GRIP1: variants seen among roughly 807,000 people sequenced by gnomAD.
The protein encoded by GRIP1 is glutamate receptor-interacting protein 1.
A neutral mutation model predicts 129.9 loss-of-function variants in GRIP1; 45 were observed. The observed-to-expected ratio is 0.35, with a 90% confidence interval of 0.27 to 0.44. The LOEUF (loss-of-function observed/expected upper bound fraction) is 0.44. Among genes scored for constraint, GRIP1 ranks in the 20% least tolerant of loss-of-function variants. The probability of loss-of-function intolerance (pLI) is 1.00; values close to 1 mark genes in which losing one functional copy is unlikely to be tolerated. For missense variants in GRIP1, 1,196 were observed against 1,396.8 expected (o/e 0.86, Z 2.29); for synonymous variants, 530 against 520.8 (o/e 1.02, Z -0.24).
At chr12:66,672,754 C>G (rs1003847052) in intron 1 of GRIP1, among the ~76,000 whole-genome samples, 1 of 152,006 alleles carries the variant, frequency 6.6e-6, no homozygotes, top group African/African-American at 2.4e-5. Context: ...TATTTTCCGC[C>G]AGAATAAAGT....
At chr12:66,831,717 C>T (rs1239737276) in intron 1 of GRIP1, among the ~76,000 whole-genome samples, 1 of 152,110 alleles carries the variant, frequency 6.6e-6, no homozygotes, top group Admixed American at 6.5e-5. Flanking sequence ...AGATTTCACA[C>T]CAAGGAGTCA....
intron 1 of GRIP1, among the ~76,000 whole-genome samples, chr12:66,974,098 T>A (rs1448933926): frequency 6.6e-6 from 1 of 152,004 alleles, no homozygotes; most frequent in Admixed American, 6.6e-5. Flanking sequence ...CTAATTTTTG[T>A]ATTTTTAGTA....
intron 7 of GRIP1, among the ~76,000 whole-genome samples, chr12:66,502,047 T>G (rs1197633686): frequency 6.6e-6 from 1 of 152,186 alleles, no homozygotes; most frequent in Non-Finnish European, 1.5e-5. Context: ...ACTATTTTTA[T>G]TTATAGCATT....
rs138443431 is a variant in GRIP1 at position 67,023,923 on chromosome 12, T to G, written c.58+45127A>C. ...TTTTCTTTGCTTTTCTTTGATTTTT[T>G]TTCTCTTTTCTCTTTCTTTCCTTCC... is the stretch of plus-strand genomic sequence containing the variant. On this transcript the variant is annotated intron_variant, in intron 1 of 1. Transcript: ENST00000643019. 9.8e-4 allele frequency among the ~76,000 whole-genome samples: 149 copies of G among 152,284 alleles called. 1 individual carries two copies. In the East Asian group the frequency reaches 0.028, roughly 28 times the overall value.
chr12:66,704,074 G>A lies in GRIP1; in HGVS notation c.-419-73738C>T, dbSNP rs2035444884. Among the ~76,000 whole-genome samples the A allele has an allele frequency of 2.0e-5, 3 of 151,938 alleles. 1 individual carries two copies. In the South Asian group the frequency reaches 6.2e-4, roughly 31 times the overall value. On this transcript the variant is annotated intron_variant, in intron 1 of 4. Transcript: ENST00000538373. ...CCAGAATAAAAAGAATATAGTAGAT[G>A]ACAATAAAAGGATATATTTATATCA...
At chr12:66,925,687 C>T (rs915128834) in intron 1 of GRIP1, among the ~76,000 whole-genome samples, 1 of 152,084 alleles carries the variant, frequency 6.6e-6, no homozygotes, top group Admixed American at 6.6e-5. Context: ...TCTTGTTTCC[C>T]AGGCTGGAGT....
chr12:66,496,868 A>G (rs2060252169), intron 7 of GRIP1, among the ~76,000 whole-genome samples: 3 of 76,188 alleles, frequency 3.9e-5, no homozygotes, highest in African/African-American at 1.2e-4. Flanking sequence ...AAGAAAAGAA[A>G]GAGAGAGGAT....
At chr12:66,379,209 C>T (rs200290201) in intron 20 of GRIP1, 71 bp downstream of exon 20, 230 of 1,428,284 alleles carry the variant, frequency 1.6e-4, no homozygotes, top group Non-Finnish European at 2.2e-4. Flanking sequence ...ACTGGAAGTA[C>T]AGAAGTTCAA....
In GRIP1 at chr12:66,399,795, C is replaced by T. The variant is rs533973388; in HGVS notation, c.1985-5443G>A. Among the ~76,000 whole-genome samples, 16 of 151,964 alleles carry T rather than the reference C, an allele frequency of 1.1e-4. No homozygotes were observed. In the South Asian group the frequency reaches 1.7e-3, roughly 16 times the overall value. On this transcript the variant is annotated intron_variant, in intron 16 of 24. Coordinates refer to ENST00000359742, the MANE Select transcript of GRIP1 (RefSeq NM_001366722.1). The stretch of plus-strand genomic sequence containing the variant: ...GATTTGGGAGAGAGCCTTTGGAAGG[C>T]GTACATGTGCAGGTCAGTCAAAGTT...
At chr12:66,628,394 G>T (rs2030347983) in intron 1 of GRIP1, among the ~76,000 whole-genome samples, 1 of 130,276 alleles carries the variant, frequency 7.7e-6, no homozygotes, top group Non-Finnish European at 1.8e-5. Flanking sequence ...GCTTTCAAGG[G>T]ATTTCCCGTA....
At chr12:66,630,516 A>AT (rs1284878635) in intron 1 of GRIP1, among the ~76,000 whole-genome samples, 1 of 131,090 alleles carries the variant, frequency 7.6e-6, no homozygotes, top group African/African-American at 2.9e-5. Context: ...GAAAGAATGA[A>AT]TCGCATTTGC....
At chr12:67,058,275 G>A (rs1056915320) in intron 1 of GRIP1, among the ~76,000 whole-genome samples, 1 of 152,096 alleles carries the variant, frequency 6.6e-6, no homozygotes, top group Non-Finnish European at 1.5e-5. Context: ...ATGATGAACT[G>A]TGCCTTAAAA....
rs2054092097 is a variant in GRIP1 at position 66,348,797 on chromosome 12, C to G, written c.*222G>C. On this transcript the variant is annotated 3_prime_UTR_variant, in exon 25 of 25. Transcript: ENST00000359742. ...TATTTTTCTCTACCGTTGGGACTGGCAGGGCATTGCCCACCATATACCATA... is the reference window on the plus strand; with the variant it reads ...TATTTTTCTCTACCGTTGGGACTGGGAGGGCATTGCCCACCATATACCATA... 1.9e-5 allele frequency: 11 copies of G among 566,894 alleles called. No homozygotes were observed. In the South Asian group the frequency reaches 2.4e-4, roughly 12 times the overall value. 35.1% of individuals were successfully genotyped at this position (566,894 alleles called of 1,614,324 possible).
chr12:66,736,404 T>G (rs2036604190), intron 1 of GRIP1, among the ~76,000 whole-genome samples: 3 of 141,684 alleles, frequency 2.1e-5, no homozygotes, highest in South Asian at 2.3e-4. Context: ...GGATACAGGG[T>G]CTTGCTATGT....
At chr12:66,816,650 C>T (rs534753771) in intron 1 of GRIP1, among the ~76,000 whole-genome samples, 2 of 152,206 alleles carry the variant, frequency 1.3e-5, no homozygotes, top group Admixed American at 6.5e-5. Flanking sequence ...AAACTTGAGA[C>T]TACCATTTTA....
intron 1 of GRIP1, among the ~76,000 whole-genome samples, chr12:66,758,801 C>A (rs1267032946): frequency 6.6e-6 from 1 of 152,142 alleles, no homozygotes. Flanking sequence ...AAAATGATCG[C>A]CTTTGACTCC....
chr12:66,808,558 A>G (rs12422653), upstream of GRIP1, among the ~76,000 whole-genome samples: 2,478 of 151,950 alleles, frequency 0.016, 92 homozygotes, highest in East Asian at 0.083. Flanking sequence ...CGGCCTCCCA[A>G]AGTGCTGGGA....
intron 19 of GRIP1, 70 bp from the exon 20 acceptor site, chr12:66,379,506 A>G: frequency 6.8e-7 from 1 of 1,470,286 alleles, no homozygotes; most frequent in South Asian, 1.1e-5. Flanking sequence ...GACATTGTTA[A>G]CCAGTAGAGG....
intron 16 of GRIP1, among the ~76,000 whole-genome samples, chr12:66,395,623 T>C (rs543702781): frequency 6.6e-6 from 1 of 152,310 alleles, no homozygotes; most frequent in Non-Finnish European, 1.5e-5. Context: ...GGCCATAGAT[T>C]GGGAGTTTTG....
Sources: gnomAD v4.1 joint callset for allele counts (sites outside exome capture counted in the v4.1 genomes callset) on GRCh38, gnomAD v4.1.1 for gene constraint, MANE v1.5 for transcripts, NCBI Gene and HGNC (gene_info 2026-07-23, HGNC 2026-07-21) for gene names.